Variants in SLC1A7 observed in about 807,000 individuals in gnomAD.
SLC1A7 encodes solute carrier family 1 member 7, also known as excitatory amino acid transporter 5.
Under a neutral mutation model 47.7 loss-of-function variants are expected in SLC1A7, and 40 were observed. The observed-to-expected ratio is 0.84, with a 90% CI of 0.65 to 1.09. The LOEUF is 1.09. Among genes scored for constraint, SLC1A7 ranks in the 50% least tolerant of loss-of-function variants. The probability of loss-of-function intolerance (pLI) is 0.00; values close to 1 mark genes in which losing one functional copy is unlikely to be tolerated. For synonymous variants in SLC1A7, 323 were observed against 325.6 expected (o/e 0.99, Z 0.09); for missense variants, 746 against 769.5 (o/e 0.97, Z 0.36).
intron 2 of SLC1A7, among the ~76,000 whole-genome samples, chr1:53,132,526 G>C (rs1301175528): frequency 6.6e-6 from 1 of 152,152 alleles, no homozygotes; most frequent in Non-Finnish European, 1.5e-5. Flanking sequence ...CAGTTTTCTG[G>C]GTGGAACTTC....
rs1252029635 is a variant in SLC1A7 at position 53,087,823 on chromosome 1, C to T, written c.*186G>A. The T allele has an allele frequency of 2.5e-6, 1 of 398,206 alleles. No individual in the cohort carries two copies. The highest frequency in any genetic ancestry group is 3.6e-5 in the East Asian group (1 of 27,584). 24.7% of individuals were successfully genotyped at this position (398,206 alleles called of 1,614,324 possible). A position where few individuals can be genotyped will look rare whatever the true frequency, so the allele number is the denominator to read the frequency against. On this transcript the variant is annotated 3_prime_UTR_variant, in exon 11 of 11. Transcript: ENST00000371494. Reference sequence around the variant, plus strand: ...GGCCCATCACTCCCTAGATGGGGCTCCCCCATGCAGCCTTTCCCTTCTCTG... The same window carrying T: ...GGCCCATCACTCCCTAGATGGGGCTTCCCCATGCAGCCTTTCCCTTCTCTG...
intron 5 of SLC1A7, among the ~76,000 whole-genome samples, chr1:53,100,611 G>A (rs1470201834): frequency 4.1e-5 from 6 of 144,816 alleles, no homozygotes; most frequent in South Asian, 4.5e-4. Context: ...AACCTGCCTC[G>A]GTACACTCAC....
chr1:53,113,819 G>C (rs982940208), intron 3 of SLC1A7, among the ~76,000 whole-genome samples: 1 of 152,248 alleles, frequency 6.6e-6, no homozygotes, highest in Non-Finnish European at 1.5e-5. Flanking sequence ...GTTTCTGCCT[G>C]CCTCTCACCC....
chr1:53,134,678 A>G (rs1288354), intron 1 of SLC1A7, among the ~76,000 whole-genome samples: 138,854 of 152,190 alleles, frequency 0.91, 63,451 homozygotes, highest in East Asian at 1. Context: ...TGAGTTTTGT[A>G]TTTTTCTCAT....
chr1:53,095,539 C>T (rs955873674), intron 5 of SLC1A7, among the ~76,000 whole-genome samples: 5 of 147,570 alleles, frequency 3.4e-5, no homozygotes, highest in Admixed American at 1.3e-4. Flanking sequence ...CACACCGCCT[C>T]GGTACACTCA....
At chr1:53,131,221 G>C (rs1180128249) in intron 2 of SLC1A7, among the ~76,000 whole-genome samples, 1 of 152,184 alleles carries the variant, frequency 6.6e-6, no homozygotes, top group Non-Finnish European at 1.5e-5. Context: ...ACGGGCCTTC[G>C]TTGCTGGGTA....
intron 8 of SLC1A7, chr1:53,090,411 C>T: frequency 2.4e-6 from 2 of 827,792 alleles, no homozygotes; most frequent in South Asian, 1.9e-5. Context: ...TGTCCCTGGC[C>T]TCCGCTCGCC....
intron 2 of SLC1A7, among the ~76,000 whole-genome samples, chr1:53,131,662 T>C (rs759753936): frequency 2.8e-4 from 42 of 152,382 alleles, no homozygotes; most frequent in Non-Finnish European, 6.0e-4. Context: ...GCACAATGCA[T>C]GATTGCAGGA....
intron 1 of SLC1A7, among the ~76,000 whole-genome samples, chr1:53,136,613 T>TAAATAAAC (rs1644999878): frequency 1.2e-4 from 1 of 8,320 alleles, no homozygotes; most frequent in African/African-American, 4.5e-4. Context: ...ACATATATAA[T>TAAATAAAC]ATATATAAAC....
At chr1:53,120,475 C>A (rs1264849654) in intron 2 of SLC1A7, among the ~76,000 whole-genome samples, 1 of 152,110 alleles carries the variant, frequency 6.6e-6, no homozygotes, top group Admixed American at 6.5e-5. Flanking sequence ...CCTTCCCTGC[C>A]CTGCGTCCCC....
In SLC1A7 at chr1:53,087,924, G is replaced by T; in HGVS notation, c.*85C>A. On this transcript the variant is annotated 3_prime_UTR_variant, in exon 11 of 11. Coordinates refer to ENST00000371494, the MANE Select transcript of SLC1A7 (RefSeq NM_006671.6). ...AGAATGTGTGATCCTGGCCCCTGCC[G>T]GCTGCTCAGGAGGGTTGGAGAGTCG... 1.4e-6 allele frequency: 1 copy of T among 718,154 alleles called. No homozygotes were observed. Among genetic ancestry groups the T allele is most frequent in the Non-Finnish European group, 2.1e-6 (1 of 468,288 alleles). 44.5% of individuals were successfully genotyped at this position (718,154 alleles called of 1,614,324 possible).
At chr1:53,097,288 A>T (rs1033143108) in intron 5 of SLC1A7, among the ~76,000 whole-genome samples, 7 of 150,290 alleles carry the variant, frequency 4.7e-5, no homozygotes, top group African/African-American at 1.7e-4. Flanking sequence ...TGGTACACTC[A>T]CACAACCCAC....
chr1:53,123,056 T>C (rs1679976), intron 2 of SLC1A7, among the ~76,000 whole-genome samples: 150,029 of 152,236 alleles, frequency 0.99, 73,967 homozygotes, highest in Middle Eastern at 1. Context: ...GTGAGAATGA[T>C]AAGCTTGAAC....
intron 7 of SLC1A7, among the ~76,000 whole-genome samples, chr1:53,091,954 T>G (rs1426898869): frequency 6.6e-6 from 1 of 152,224 alleles, no homozygotes; most frequent in Middle Eastern, 3.2e-3. Context: ...TTGGGATCCT[T>G]AAGGCCAAGT....
At position 53,100,358 on chromosome 1, in the gene SLC1A7, A is replaced by C. The variant is rs556466409; in HGVS notation, c.697+2988T>G. Among the ~76,000 whole-genome samples, 380 of 132,730 alleles carry C rather than the reference A, an allele frequency of 2.9e-3. 1 individual carries two copies. The highest frequency in any genetic ancestry group is 9.9e-3 in the African/African-American group (345 of 34,994). The allele number at this position is 132,730 out of a possible 152,430, so 87.1% of individuals were successfully genotyped here. ...TCAGTACACTCACACAACCCAACTC[A>C]GTACACTCACACGCCCCACCTCGGT... On this transcript the variant is annotated intron_variant, in intron 5 of 10. Coordinates refer to ENST00000371494, the MANE Select transcript of SLC1A7 (RefSeq NM_006671.6).
chr1:53,109,406 G>T (rs772556076), intron 3 of SLC1A7, among the ~76,000 whole-genome samples: 16 of 152,156 alleles, frequency 1.1e-4, no homozygotes, highest in Non-Finnish European at 2.1e-4. Flanking sequence ...TTTCTGTTTT[G>T]CGTGCTGCAC....
intron 2 of SLC1A7, among the ~76,000 whole-genome samples, chr1:53,130,249 G>T (rs1557689510): frequency 6.6e-6 from 1 of 152,178 alleles, no homozygotes; most frequent in Admixed American, 6.5e-5. Flanking sequence ...TAAATTAAAA[G>T]AATTAAAAGA....
At chr1:53,134,039 G>T (rs1644966529) in intron 2 of SLC1A7, among the ~76,000 whole-genome samples, 1 of 152,164 alleles carries the variant, frequency 6.6e-6, no homozygotes, top group South Asian at 2.1e-4. Flanking sequence ...GCATTACCAT[G>T]AACAGCCCCT....
At chr1:53,131,503 C>T (rs1431678990) in intron 2 of SLC1A7, among the ~76,000 whole-genome samples, 3 of 152,198 alleles carry the variant, frequency 2.0e-5, no homozygotes, top group Admixed American at 6.5e-5. Flanking sequence ...TGCCAAGGGT[C>T]CTGGCTTCCT....
Sources: allele counts gnomAD v4.1 joint callset (sites outside exome capture counted in the v4.1 genomes callset), GRCh38; gene constraint gnomAD v4.1.1; transcripts MANE v1.5; gene names NCBI Gene and HGNC (gene_info 2026-07-23, HGNC 2026-07-21).